The following SH3BGRL2 variants were observed in gnomAD, a reference collection of about 807,000 sequenced individuals.
The protein encoded by SH3BGRL2 is SH3 domain-binding glutamic acid-rich-like protein 2.
A neutral mutation model predicts 14.8 loss-of-function variants in SH3BGRL2; 21 were observed. The observed-to-expected ratio is 1.42, with a 90% CI of 1.01 to 2.05. SH3BGRL2 has a LOEUF of 2.05. Ranked by LOEUF, SH3BGRL2 falls within the 30% of genes most tolerant of loss-of-function variation. The pLI, the probability that SH3BGRL2 is intolerant of heterozygous loss-of-function variation, is 0.00. For missense variants in SH3BGRL2, 147 were observed against 130.8 expected (o/e 1.12, Z -0.61); for synonymous variants, 50 against 47.8 (o/e 1.05, Z -0.19).
chr6:79,557,663 G>A, the SH3BGRL2 span, among the ~76,000 whole-genome samples: 1 of 152,166 alleles, frequency 6.6e-6, no homozygotes, highest in African/African-American at 2.4e-5. Context: ...GATTAAATGA[G>A]CAGTACAAGA....
At chr6:79,621,212 A>G in the SH3BGRL2 span, among the ~76,000 whole-genome samples, 1 of 152,202 alleles carries the variant, frequency 6.6e-6, no homozygotes, top group Non-Finnish European at 1.5e-5. Flanking sequence ...TGATATGGAA[A>G]TCAAGGCACA....
the SH3BGRL2 span, among the ~76,000 whole-genome samples, chr6:79,572,591 G>T: frequency 6.6e-6 from 1 of 152,008 alleles, no homozygotes; most frequent in Non-Finnish European, 1.5e-5. Flanking sequence ...TCAGGCTCCC[G>T]AGGAGCTGGG....
chr6:79,568,407 G>A, the SH3BGRL2 span, among the ~76,000 whole-genome samples: 56 of 152,074 alleles, frequency 3.7e-4, no homozygotes, highest in Non-Finnish European at 5.9e-5. Context: ...AAAATGAATA[G>A]ACTATAGCTT....
intron 2 of SH3BGRL2, among the ~76,000 whole-genome samples, chr6:79,694,052 G>A (rs978374109): frequency 3.9e-5 from 6 of 152,166 alleles, no homozygotes; most frequent in East Asian, 1.9e-4. Context: ...ATGAATTGTC[G>A]TTAAGACCTG....
the SH3BGRL2 span, among the ~76,000 whole-genome samples, chr6:79,538,312 A>G: frequency 1.3e-5 from 2 of 152,122 alleles, no homozygotes; most frequent in African/African-American, 4.8e-5. Context: ...AATGCGTTTA[A>G]TGAATCTTCT....
intron 1 of SH3BGRL2, among the ~76,000 whole-genome samples, chr6:79,656,761 A>G (rs554146021): frequency 6.6e-6 from 1 of 152,264 alleles, no homozygotes; most frequent in East Asian, 1.9e-4. Flanking sequence ...CAAATACTAC[A>G]CCATTTTACA....
chr6:79,568,015 T>C, the SH3BGRL2 span, among the ~76,000 whole-genome samples: 2 of 152,148 alleles, frequency 1.3e-5, no homozygotes, highest in East Asian at 3.8e-4. Flanking sequence ...AGAAAAAAGC[T>C]GAAATATCAT....
chr6:79,625,881 C>T, the SH3BGRL2 span, among the ~76,000 whole-genome samples: 1 of 152,188 alleles, frequency 6.6e-6, no homozygotes, highest in Non-Finnish European at 1.5e-5. Context: ...TCCTTAACCC[C>T]TCTGGCCTAC....
the SH3BGRL2 span, among the ~76,000 whole-genome samples, chr6:79,544,323 C>T: frequency 6.6e-6 from 1 of 152,170 alleles, no homozygotes; most frequent in Non-Finnish European, 1.5e-5. Flanking sequence ...GATAAGGAAA[C>T]TGAGTCCCAG....
intron 2 of SH3BGRL2, among the ~76,000 whole-genome samples, chr6:79,690,950 T>C (rs1373665471): frequency 6.6e-6 from 1 of 152,200 alleles, no homozygotes; most frequent in Non-Finnish European, 1.5e-5. Context: ...TCTACAATAA[T>C]TTCTCTCATG....
chr6:79,598,789 G>A, the SH3BGRL2 span, among the ~76,000 whole-genome samples: 3 of 152,272 alleles, frequency 2.0e-5, no homozygotes, highest in Admixed American at 6.5e-5. Flanking sequence ...AAAATAAAAA[G>A]TGCTCAACCT....
chr6:79,698,691 C>G (rs950109945), intron 3 of SH3BGRL2, among the ~76,000 whole-genome samples: 4 of 151,196 alleles, frequency 2.6e-5, no homozygotes, highest in African/African-American at 9.7e-5. Context: ...GTTGTTTGTC[C>G]TGTGAAGAGG....
Position 79,681,696 on chromosome 6 carries a change from T to C in SH3BGRL2, c.231+7897T>C, listed in dbSNP as rs1582735383. On this transcript the variant is annotated intron_variant, in intron 2 of 3. Coordinates refer to ENST00000369838, the MANE Select transcript of SH3BGRL2 (RefSeq NM_031469.4). ...GTTGCAGTTGATCTCAAGTGCAGTG[T>C]TTATGTAAGACTTTTGGGAACACTA... Among the ~76,000 whole-genome samples, 10 of 152,318 alleles carry C rather than the reference T, an allele frequency of 6.6e-5. 2 individuals carry two copies. The highest frequency in any genetic ancestry group is 6.5e-4 in the Admixed American group (10 of 15,304).
chr6:79,552,616 G>A, the SH3BGRL2 span, among the ~76,000 whole-genome samples: 117 of 152,272 alleles, frequency 7.7e-4, no homozygotes, highest in African/African-American at 2.7e-3. Context: ...TCAGTTTTAA[G>A]GTTCTTCTGG....
chr6:79,555,902 A>G, the SH3BGRL2 span, among the ~76,000 whole-genome samples: 4 of 152,226 alleles, frequency 2.6e-5, no homozygotes, highest in Non-Finnish European at 5.9e-5. Context: ...ATTTTTTTAA[A>G]TAGTACAACA....
chr6:79,598,961 A>T, the SH3BGRL2 span, among the ~76,000 whole-genome samples: 2 of 151,686 alleles, frequency 1.3e-5, no homozygotes, highest in Admixed American at 1.3e-4. Context: ...CATGCCTGTA[A>T]TTGCAGCTAC....
At chr6:79,692,469 C>A (rs142074201) in intron 2 of SH3BGRL2, among the ~76,000 whole-genome samples, 17,499 of 152,164 alleles carry the variant, frequency 0.12, 1,159 homozygotes, top group Non-Finnish European at 0.15. Context: ...AGGTTTTCTT[C>A]TAGGGTTTTT....
intron 2 of SH3BGRL2, among the ~76,000 whole-genome samples, chr6:79,688,737 T>G (rs1770150504): frequency 6.6e-6 from 1 of 152,160 alleles, no homozygotes. Flanking sequence ...TTATTTTATT[T>G]AAGAATGCTT....
rs1468590198 is a variant in SH3BGRL2, at chr6:79,700,920, C to A, written c.*1411C>A. The A allele has an allele frequency of 6.6e-6, 1 of 152,110 alleles. No homozygotes were observed. Among genetic ancestry groups the A allele is most frequent in the African/African-American group, 2.4e-5 (1 of 41,404 alleles). 9.4% of individuals were successfully genotyped at this position (152,110 alleles called of 1,614,324 possible). On this transcript the variant is annotated 3_prime_UTR_variant, in exon 4 of 4. Coordinates refer to ENST00000369838, the MANE Select transcript of SH3BGRL2 (RefSeq NM_031469.4). Reference sequence around the variant, plus strand: ...TCTAGCATCCTGATTCTGGACTTTTCATTATAATTCTGAGCAGGAAATTTA... The same window carrying A: ...TCTAGCATCCTGATTCTGGACTTTTAATTATAATTCTGAGCAGGAAATTTA...
Sources: allele counts gnomAD v4.1 joint callset (sites outside exome capture counted in the v4.1 genomes callset), GRCh38; gene constraint gnomAD v4.1.1; transcripts MANE v1.5; gene names NCBI Gene and HGNC (gene_info 2026-07-23, HGNC 2026-07-21).